The following TG variants were observed in gnomAD, a reference collection of about 807,000 sequenced individuals.
TG encodes thyroglobulin, also known as thyroid hormones.
TG carries 270 observed loss-of-function variants against 324.7 expected under a neutral mutation model. That is an observed-to-expected ratio of 0.83 (90% CI 0.75 to 0.92). TG has a LOEUF of 0.92. Ranked by LOEUF, TG falls within the 40% of genes least tolerant of loss-of-function variation. The probability of loss-of-function intolerance (pLI) is 0.00; values close to 1 mark genes in which losing one functional copy is unlikely to be tolerated. For missense variants in TG, 3,591 were observed against 3,456.4 expected (o/e 1.04, Z -0.98); for synonymous variants, 1,401 against 1,327.0 (o/e 1.06, Z -1.21).
intron 43 of TG, among the ~76,000 whole-genome samples, chr8:133,099,982 C>T (rs977850891): frequency 2.0e-5 from 3 of 152,204 alleles, no homozygotes; most frequent in Admixed American, 1.3e-4. Context: ...TTTTACTCCT[C>T]TGCTCCAAGC....
chr8:133,010,361 C>G (rs73359340), intron 35 of TG, among the ~76,000 whole-genome samples: 1 of 152,102 alleles, frequency 6.6e-6, no homozygotes, highest in African/African-American at 2.4e-5. Context: ...TGCTTGTGAT[C>G]GCCATAGTGT....
intron 35 of TG, among the ~76,000 whole-genome samples, chr8:132,998,726 C>T (rs1269167630): frequency 6.6e-6 from 1 of 152,188 alleles, no homozygotes; most frequent in African/African-American, 2.4e-5. Flanking sequence ...TCCATATCAG[C>T]AAGTGCAGCT....
At chr8:132,994,755 G>C in intron 35 of TG, 1 of 1,288,666 alleles carries the variant, frequency 7.8e-7, no homozygotes, top group Non-Finnish European at 1.0e-6. Flanking sequence ...CAGCTGAAGA[G>C]GATGGAGTGA....
intron 41 of TG, among the ~76,000 whole-genome samples, chr8:133,055,824 C>CCAGCAG (rs36210010): frequency 9.5e-4 from 144 of 150,882 alleles, no homozygotes; most frequent in Non-Finnish European, 1.2e-3. Flanking sequence ...CTCCTCATCA[C>CCAGCAG]CAGCAGCAGC....
intron 35 of TG, chr8:133,001,666 C>CAAT: frequency 1.2e-6 from 1 of 812,120 alleles, no homozygotes; most frequent in Non-Finnish European, 1.5e-6. Context: ...TGTCTCCGTC[C>CAAT]GATGACGACA....
intron 27 of TG, among the ~76,000 whole-genome samples, chr8:132,957,393 GC>G (rs752972874): frequency 1.3e-5 from 2 of 152,274 alleles, no homozygotes; most frequent in East Asian, 3.9e-4. Context: ...TAAGGTGTCA[GC>G]TTCCTATCAC....
intron 26 of TG, among the ~76,000 whole-genome samples, chr8:132,946,601 C>G (rs761912233): frequency 6.6e-6 from 1 of 152,184 alleles, no homozygotes; most frequent in Non-Finnish European, 1.5e-5. Flanking sequence ...TCCTTCCCCT[C>G]CTTTCCTTTC....
chr8:133,128,070 A>T (rs1050959603), intron 45 of TG, among the ~76,000 whole-genome samples: 6 of 150,694 alleles, frequency 4.0e-5, no homozygotes, highest in African/African-American at 1.5e-4. Flanking sequence ...AAGTAATTCT[A>T]TCACTTGATA....
At chr8:133,012,567 T>C (rs554621030) in intron 36 of TG, among the ~76,000 whole-genome samples, 1 of 152,196 alleles carries the variant, frequency 6.6e-6, no homozygotes, top group Non-Finnish European at 1.5e-5. Flanking sequence ...GGTAACCACT[T>C]GATGGGAATG....
At chr8:133,120,749 T>C (rs1851079643) in intron 45 of TG, among the ~76,000 whole-genome samples, 1 of 152,252 alleles carries the variant, frequency 6.6e-6, no homozygotes, top group South Asian at 2.1e-4. Context: ...AAGGTCCCAT[T>C]CTGGGGTACT....
At chr8:132,919,948 A>G (rs1163442239) in intron 21 of TG, among the ~76,000 whole-genome samples, 10 of 152,236 alleles carry the variant, frequency 6.6e-5, no homozygotes. Context: ...TTTACAGATA[A>G]GAAAGCTAAG....
intron 34 of TG, among the ~76,000 whole-genome samples, chr8:132,981,110 AG>A (rs1206598768): frequency 6.6e-6 from 1 of 152,232 alleles, no homozygotes; most frequent in Non-Finnish European, 1.5e-5. Context: ...ACAATAAAGA[AG>A]GTCCCACGCA....
At chr8:132,948,672 C>T (rs537810651) in intron 26 of TG, 104 bp from the exon 27 acceptor site, 35 of 1,224,114 alleles carry the variant, frequency 2.9e-5, no homozygotes, top group Middle Eastern at 2.7e-4. Flanking sequence ...TCTCCTGAGA[C>T]GCTGTCACCT....
At chr8:133,006,119 G>A (rs957320313) in intron 35 of TG, among the ~76,000 whole-genome samples, 19 of 152,198 alleles carry the variant, frequency 1.2e-4, no homozygotes, top group Non-Finnish European at 2.6e-4. Flanking sequence ...AGGGCAATGC[G>A]TAACACAAAG....
rs771463421 is a variant in TG at position 133,134,704 on chromosome 8, G to C, written c.8217G>C (p.Glu2739Asp). The change falls in exon 48 of 48, where the codon GAG becomes GAC. Residue 2739 changes from glutamate (E) to aspartate (D), a missense_variant. Physicochemically the swap from Glu to Asp is conservative, Grantham distance 45. Coordinates refer to ENST00000220616, the MANE Select transcript of TG (RefSeq NM_003235.5). ...ADGAKGGQSA[E>D]SEEEELTAGS... ...GAGCCAAGGGCGGGCAGTCAGCAGA[G>C]AGTGAAGAGGAGGAGTTGACGGCTG... 2 of 1,614,076 alleles carry C rather than the reference G, an allele frequency of 1.2e-6. No individual in the cohort carries two copies. Among genetic ancestry groups the C allele is most frequent in the South Asian group, 1.1e-5 (1 of 91,076 alleles).
intron 31 of TG, among the ~76,000 whole-genome samples, chr8:132,968,800 C>G (rs1829024985): frequency 6.6e-6 from 1 of 152,220 alleles, no homozygotes; most frequent in Admixed American, 6.5e-5. Flanking sequence ...ACGAACCTGG[C>G]TCCTGGTGGT....
intron 18 of TG, among the ~76,000 whole-genome samples, chr8:132,909,249 G>A (rs1819155101): frequency 6.6e-6 from 1 of 152,170 alleles, no homozygotes; most frequent in Non-Finnish European, 1.5e-5. Flanking sequence ...CAGAACATGA[G>A]AAGCAGCAGG....
At chr8:133,014,023 T>G (rs901278816) in intron 37 of TG, among the ~76,000 whole-genome samples, 3 of 152,244 alleles carry the variant, frequency 2.0e-5, no homozygotes, top group Admixed American at 2.0e-4. Flanking sequence ...AGCCCACTTT[T>G]TATTATGGTT....
chr8:133,078,258 G>A (rs1011811929), intron 41 of TG, among the ~76,000 whole-genome samples: 1 of 152,212 alleles, frequency 6.6e-6, no homozygotes, highest in South Asian at 2.1e-4. Flanking sequence ...TGGGCAGCCT[G>A]TGAGCTGCAT....
Sources: gnomAD v4.1 joint callset for allele counts (sites outside exome capture counted in the v4.1 genomes callset) on GRCh38, gnomAD v4.1.1 for gene constraint, MANE v1.5 for transcripts, NCBI Gene and HGNC (gene_info 2026-07-23, HGNC 2026-07-21) for gene names.